The following GNAS variants were observed in gnomAD, a reference collection of about 807,000 sequenced individuals.
GNAS encodes protein ALEX.
In GNAS, 8 loss-of-function variants were observed where a neutral mutation model predicts 54.5. The ratio of observed to expected loss-of-function variants is 0.15; its 90% CI spans 0.09 to 0.26. The LOEUF is 0.26. GNAS is among the 10% of genes least tolerant of loss of function. The probability of loss-of-function intolerance (pLI) is 1.00; values close to 1 mark genes in which losing one functional copy is unlikely to be tolerated. For synonymous variants in GNAS, 204 were observed against 191.4 expected (o/e 1.07, Z -0.54); for missense variants, 170 against 529.8 (o/e 0.32, Z 6.67).
chr20:58,852,429 G>T (rs994059780), intron 1 of GNAS, among the ~76,000 whole-genome samples: 2 of 152,150 alleles, frequency 1.3e-5, no homozygotes, highest in Admixed American at 1.3e-4. Context: ...ACCACCTGTC[G>T]CATCCCTACG....
intron 1 of GNAS, chr20:58,864,199 T>C (rs2086915047): frequency 6.6e-6 from 1 of 152,212 alleles, no homozygotes; most frequent in African/African-American, 2.4e-5. Flanking sequence ...CTGAGACCAC[T>C]TGAACACATC....
intron 3 of GNAS, among the ~76,000 whole-genome samples, chr20:58,901,447 A>G (rs2090591475): frequency 6.6e-6 from 1 of 152,128 alleles, no homozygotes; most frequent in Non-Finnish European, 1.5e-5. Flanking sequence ...AGATTTGTAC[A>G]CAAGGCCTGA....
At chr20:58,880,361 G>A (rs969691049) in intron 1 of GNAS, among the ~76,000 whole-genome samples, 1 of 152,172 alleles carries the variant, frequency 6.6e-6, no homozygotes, top group Admixed American at 6.5e-5. Flanking sequence ...TCAAAGCGCA[G>A]CCTTGATCCT....
chr20:58,905,282 G>C, intron 5 of GNAS, 101 bp from the exon 6 acceptor site: 2 of 762,434 alleles, frequency 2.6e-6, no homozygotes, highest in Non-Finnish European at 4.8e-6. Context: ...CACACCAAGT[G>C]TCGGTCACAT....
chr20:58,854,087 C>T (rs777608318), intron 1 of GNAS: 1 of 1,612,296 alleles, frequency 6.2e-7, no homozygotes, highest in South Asian at 1.1e-5. Flanking sequence ...ACGCGCCTCC[C>T]CTCTGGGTCC....
At chr20:58,850,110 G>A (rs1457167624) in intron 1 of GNAS, among the ~76,000 whole-genome samples, 2 of 152,020 alleles carry the variant, frequency 1.3e-5, no homozygotes, top group Non-Finnish European at 2.9e-5. Flanking sequence ...TTCGTGGTGG[G>A]CAAACCGTCT....
chr20:58,904,543 G>T (rs932768944), intron 5 of GNAS, among the ~76,000 whole-genome samples: 2 of 152,190 alleles, frequency 1.3e-5, no homozygotes, highest in African/African-American at 2.4e-5. Flanking sequence ...TATAAGCGGG[G>T]AACGGGAAAC....
At chr20:58,899,843 G>A in intron 3 of GNAS, 2 of 697,276 alleles carry the variant, frequency 2.9e-6, no homozygotes, top group Admixed American at 4.1e-5. Context: ...ACTTAGTTTA[G>A]GGCATCTCAA....
intron 1 of GNAS, among the ~76,000 whole-genome samples, chr20:58,858,824 T>C (rs1205382418): frequency 6.6e-6 from 1 of 152,156 alleles, no homozygotes; most frequent in African/African-American, 2.4e-5. Flanking sequence ...ATACAGCCAT[T>C]TTTTTATATT....
intron 1 of GNAS, among the ~76,000 whole-genome samples, chr20:58,893,710 T>A (rs1435512868): frequency 6.6e-6 from 1 of 152,266 alleles, no homozygotes; most frequent in Non-Finnish European, 1.5e-5. Flanking sequence ...AAGGCAGAAT[T>A]ATGCTGTTGG....
intron 1 of GNAS, among the ~76,000 whole-genome samples, chr20:58,852,234 C>T (rs759742469): frequency 6.6e-6 from 1 of 152,186 alleles, no homozygotes; most frequent in South Asian, 2.1e-4. Context: ...CTGTGGGCCA[C>T]TGCGGAGACC....
In GNAS at chr20:58,873,021, C is replaced by T. The variant is rs989980094; in HGVS notation, c.44-22591C>T. On this transcript the variant is annotated intron_variant, in intron 1 of 12. Transcript: ENST00000306090. This position sits in a 1 kb window ranked among gnomAD's most constrained non-coding sequence, Gnocchi z 4.3. ...CCTGCCTCTCAGTTCATTCTCAAGG[C>T]GTTAGCCTCATCCCATCAGGAGGAG... 3.3e-5 allele frequency among the ~76,000 whole-genome samples: 5 copies of T among 152,196 alleles called. No individual in the cohort carries two copies. The highest frequency in any genetic ancestry group is 9.7e-5 in the African/African-American group (4 of 41,442).
intron 3 of GNAS, chr20:58,900,117 A>C: frequency 1.7e-6 from 1 of 572,484 alleles, no homozygotes; most frequent in Non-Finnish European, 3.1e-6. Context: ...TTAAACGATG[A>C]TTGAAAAAAC....
chr20:58,909,630 T>C lies in GNAS; in HGVS notation c.718+51T>C. ...CGTAAAGAACGCTTTGCTTCTGTGTTGTTAGGGATCAGGGTCGCTGCTCAC... is the reference window on the plus strand; with the variant it reads ...CGTAAAGAACGCTTTGCTTCTGTGTCGTTAGGGATCAGGGTCGCTGCTCAC... On this transcript the variant is annotated intron_variant, in intron 9 of 12. Coordinates refer to ENST00000371085, the MANE Select transcript of GNAS (RefSeq NM_000516.7). This position sits in a 1 kb window ranked among gnomAD's most constrained non-coding sequence, Gnocchi z 7.3. The C allele has an allele frequency of 1.9e-6, 3 of 1,614,174 alleles. No homozygotes were observed. Among genetic ancestry groups the C allele is most frequent in the Non-Finnish European group, 2.5e-6 (3 of 1,180,000 alleles).
chr20:58,875,987 C>T (rs1043479571), intron 1 of GNAS, among the ~76,000 whole-genome samples: 6 of 152,180 alleles, frequency 3.9e-5, no homozygotes, highest in Non-Finnish European at 8.8e-5. Context: ...ACAGCCCCCC[C>T]AACTGTCCTG....
Position 58,852,143 on chromosome 20 carries a change from C to A in GNAS, c.43+11257C>A, listed in dbSNP as rs569224713. On this transcript the variant is annotated intron_variant, in intron 1 of 12. Coordinates refer to the GNAS transcript ENST00000306090. The stretch of plus-strand genomic sequence containing the variant: ...CGCAGCTACTCCCTAGGGGGCTTTG[C>A]TCTTGGTGGTACGCACCCGAGACCT... Among the ~76,000 whole-genome samples the A allele has an allele frequency of 2.0e-4, 31 of 152,152 alleles. No homozygotes were observed. In the South Asian group the frequency reaches 6.5e-3, roughly 32 times the overall value.
At chr20:58,905,024 AC>A (rs2146203165) in intron 5 of GNAS, among the ~76,000 whole-genome samples, 1 of 152,308 alleles carries the variant, frequency 6.6e-6, no homozygotes, top group East Asian at 1.9e-4. Context: ...TATTTTCACA[AC>A]ATTGAACCAT....
chr20:58,852,332 C>T (rs1600699233), intron 1 of GNAS, among the ~76,000 whole-genome samples: 2 of 152,148 alleles, frequency 1.3e-5, no homozygotes, highest in African/African-American at 4.8e-5. Flanking sequence ...AAAAAGTACA[C>T]CCAAGGCATT....
chr20:58,898,255 T>G (rs921609046), intron 2 of GNAS: 17 of 149,664 alleles, frequency 1.1e-4, no homozygotes, highest in Non-Finnish European at 1.0e-4. Context: ...GGGTTTTTGG[T>G]TTTTTTTTTC....
Sources: gnomAD v4.1 joint callset for allele counts (sites outside exome capture counted in the v4.1 genomes callset) on GRCh38, gnomAD v4.1.1 for gene constraint, Gnocchi (gnomAD v3.1) non-coding constraint, MANE v1.5 for transcripts, NCBI Gene and HGNC (gene_info 2026-07-23, HGNC 2026-07-21) for gene names.